Variants in EIF4G3 observed in about 807,000 individuals in gnomAD.
The protein encoded by EIF4G3 is eIF-4-gamma 3.
In EIF4G3, 34 loss-of-function variants were observed where a neutral mutation model predicts 186.4. That is an observed-to-expected ratio of 0.18 (90% CI 0.14 to 0.24). EIF4G3 has a LOEUF of 0.24. Among genes scored for constraint, EIF4G3 ranks in the 10% least tolerant of loss-of-function variants. The probability of loss-of-function intolerance (pLI) is 1.00; values close to 1 mark genes in which losing one functional copy is unlikely to be tolerated. For missense variants in EIF4G3, 1,536 were observed against 1,948.5 expected, an observed-to-expected ratio of 0.79 and a Z score of 3.99; for synonymous variants, 673 against 679.5, an observed-to-expected ratio of 0.99 and a Z score of 0.15.
chr1:20,903,701 G>A (rs2091187268), intron 15 of EIF4G3, among the ~76,000 whole-genome samples: 1 of 152,156 alleles, frequency 6.6e-6, no homozygotes, highest in East Asian at 1.9e-4. Context: ...ACAGCATCAT[G>A]TAACAGCAAT....
chr1:20,889,741 C>T (rs1267546568), intron 18 of EIF4G3, among the ~76,000 whole-genome samples: 5 of 152,112 alleles, frequency 3.3e-5, no homozygotes, highest in Admixed American at 6.6e-5. Context: ...CCACCTGCCT[C>T]GGCCTCCCAA....
At chr1:21,125,300 T>C (rs2097010077) in intron 2 of EIF4G3, among the ~76,000 whole-genome samples, 1 of 152,130 alleles carries the variant, frequency 6.6e-6, no homozygotes, top group Non-Finnish European at 1.5e-5. Context: ...AATAGGGAAG[T>C]CTCAGAAACA....
At chr1:21,157,052 T>C (rs2097674497) in intron 2 of EIF4G3, among the ~76,000 whole-genome samples, 1 of 152,196 alleles carries the variant, frequency 6.6e-6, no homozygotes, top group East Asian at 1.9e-4. Flanking sequence ...AGCAAGACCC[T>C]ATCTCAAAAA....
intron 2 of EIF4G3, among the ~76,000 whole-genome samples, chr1:21,149,742 G>A (rs1273161848): frequency 2.6e-5 from 4 of 152,178 alleles, no homozygotes; most frequent in African/African-American, 7.2e-5. Context: ...CAAGCTGCAC[G>A]AAAGGGAAGA....
At chr1:20,915,433 T>C (rs529238524) in intron 14 of EIF4G3, among the ~76,000 whole-genome samples, 1 of 151,994 alleles carries the variant, frequency 6.6e-6, no homozygotes, top group Admixed American at 6.6e-5. Context: ...CGAACATCCC[T>C]TATAAATTTA....
At chr1:20,867,219 A>T (rs1319250990) in intron 20 of EIF4G3, among the ~76,000 whole-genome samples, 1 of 152,196 alleles carries the variant, frequency 6.6e-6, no homozygotes, top group Non-Finnish European at 1.5e-5. Context: ...TTCAGCATGG[A>T]AGCACTTTAA....
chr1:20,936,842 G>T (rs1420093314), intron 14 of EIF4G3, among the ~76,000 whole-genome samples: 1 of 152,170 alleles, frequency 6.6e-6, no homozygotes, highest in East Asian at 1.9e-4. Flanking sequence ...TGGCTACATG[G>T]ATCAGTATTT....
At chr1:20,971,866 T>C (rs1408752081) in intron 11 of EIF4G3, among the ~76,000 whole-genome samples, 1 of 152,176 alleles carries the variant, frequency 6.6e-6, no homozygotes, top group Non-Finnish European at 1.5e-5. Context: ...GCTCCTTACC[T>C]CAAGTGATCT....
At chr1:20,850,469 T>C (rs115449628) in intron 28 of EIF4G3, among the ~76,000 whole-genome samples, 2,795 of 152,310 alleles carry the variant, frequency 0.018, 92 homozygotes, top group African/African-American at 0.062. Context: ...ACAATTTATA[T>C]AGTGAAACAA....
At position 20,867,477 on chromosome 1, in the gene EIF4G3, T is replaced by G. The variant is rs576568495; in HGVS notation, c.2623-2215A>C. ...ACAATCCCAGCTCTGCCATGTGACT[T>G]TGGCCAAGTCACTCAGTTTCCCCAA... On this transcript the variant is annotated intron_variant, in intron 20 of 36. Coordinates refer to ENST00000602326, the MANE Select transcript of EIF4G3 (RefSeq NM_001391906.1). Among the ~76,000 whole-genome samples, 5 of 152,284 alleles carry G rather than the reference T, an allele frequency of 3.3e-5. No homozygotes were observed. In the East Asian group the frequency reaches 9.7e-4, roughly 29 times the overall value.
chr1:20,887,239 G>A lies in EIF4G3; in HGVS notation c.2254-868C>T, dbSNP rs549117186. Among the ~76,000 whole-genome samples, 35 of 148,906 alleles carry A rather than the reference G, an allele frequency of 2.4e-4. No individual in the cohort carries two copies. The South Asian group carries it at 7.2e-3, about 30-fold the overall frequency. On this transcript the variant is annotated intron_variant, in intron 18 of 36. Coordinates refer to ENST00000602326, the MANE Select transcript of EIF4G3 (RefSeq NM_001391906.1). The stretch of plus-strand genomic sequence containing the variant: ...ACCAGATTTTTTTTTTTTTCTTTCT[G>A]AGTTGCACTGAAGGGCTAGCCATTA...
rs563320351 is a variant in EIF4G3, at chr1:21,052,816, C to T, written c.-195-1822G>A. Among the ~76,000 whole-genome samples, 336 of 152,342 alleles carry T rather than the reference C, an allele frequency of 2.2e-3. 2 individuals are homozygous for T. The highest frequency in any genetic ancestry group is 7.5e-3 in the African/African-American group (314 of 41,594). ...CGGGCTGGTCTCCAGCTCCTAACCGCGAGTGATCCGCCAGCCTCGGCCTCC... is the reference window on the plus strand; with the variant it reads ...CGGGCTGGTCTCCAGCTCCTAACCGTGAGTGATCCGCCAGCCTCGGCCTCC... On this transcript the variant is annotated intron_variant, in intron 3 of 36. Transcript: ENST00000602326.
Position 20,967,380 on chromosome 1 carries a change from C to T in EIF4G3, c.714+2094G>A, listed in dbSNP as rs1398065949. On this transcript the variant is annotated intron_variant, in intron 12 of 36. Transcript: ENST00000602326. ...AATTGCAAAGTTTTGCTATAGTGTG[C>T]CCCCACCTAACAGAGCACATATATA... 5.9e-5 allele frequency among the ~76,000 whole-genome samples: 9 copies of T among 152,122 alleles called. No individual in the cohort carries two copies. The East Asian group carries it at 1.7e-3, about 29-fold the overall frequency.
At chr1:20,988,938 C>A (rs1445371540) in intron 7 of EIF4G3, among the ~76,000 whole-genome samples, 1 of 149,936 alleles carries the variant, frequency 6.7e-6, no homozygotes, top group Non-Finnish European at 1.5e-5. Context: ...CAGTGGTGTA[C>A]GACTGGAGTC....
chr1:21,023,002 G>A (rs2091113225), intron 4 of EIF4G3, among the ~76,000 whole-genome samples: 2 of 151,994 alleles, frequency 1.3e-5, no homozygotes, highest in South Asian at 4.2e-4. Context: ...AAAACATTAG[G>A]CACGCAAAAA....
chr1:20,969,356 G>A (rs528993166), intron 12 of EIF4G3, 118 bp downstream of exon 12: 2 of 1,201,236 alleles, frequency 1.7e-6, no homozygotes, highest in East Asian at 2.5e-5. Flanking sequence ...TTAGATATTC[G>A]AGGCTGCGAG....
chr1:21,129,328 A>AC (rs1271391885), intron 2 of EIF4G3, among the ~76,000 whole-genome samples: 7 of 151,610 alleles, frequency 4.6e-5, no homozygotes, highest in Admixed American at 3.9e-4. Context: ...AAAAAAAAAA[A>AC]CTGCTAAAAG....
chr1:20,927,392 C>A (rs1213073536), intron 14 of EIF4G3, among the ~76,000 whole-genome samples: 1 of 152,188 alleles, frequency 6.6e-6, no homozygotes, highest in African/African-American at 2.4e-5. Flanking sequence ...GGATCTTGTA[C>A]CCTTGAAACG....
Position 21,041,903 on chromosome 1 carries a change from A to AG in EIF4G3, c.-67+8962dup, listed in dbSNP as rs572660389. Among the ~76,000 whole-genome samples the AG allele has an allele frequency of 1.8e-4, 28 of 152,306 alleles. 1 individual carries two copies. In the South Asian group the frequency reaches 5.6e-3, roughly 30 times the overall value. On this transcript the variant is annotated intron_variant, in intron 4 of 36. Transcript: ENST00000602326. Reference sequence around the variant, plus strand: ...CATTATAAGCATGACTAGACATTAGAGGGAAAAAAACGTAAATAAATGTAT... The same window carrying AG: ...CATTATAAGCATGACTAGACATTAGAGGGGAAAAAAACGTAAATAAATGTAT...
Sources: allele counts gnomAD v4.1 joint callset (sites outside exome capture counted in the v4.1 genomes callset), GRCh38; gene constraint gnomAD v4.1.1; transcripts MANE v1.5; gene names NCBI Gene and HGNC (gene_info 2026-07-23, HGNC 2026-07-21).